The following TRIP12 variants were observed in gnomAD, a reference collection of about 807,000 sequenced individuals.
TRIP12 encodes the protein thyroid hormone receptor interactor 12.
Under a neutral mutation model 244.2 loss-of-function variants are expected in TRIP12, and 25 were observed. The observed-to-expected ratio is 0.10, with a 90% CI of 0.07 to 0.14. The LOEUF (loss-of-function observed/expected upper bound fraction) is 0.14. TRIP12 is among the 10% of genes least tolerant of loss of function. The pLI is 1.00. For missense variants in TRIP12, 1,677 were observed against 2,486.4 expected (o/e 0.67, Z 6.92); for synonymous variants, 905 against 873.1 (o/e 1.04, Z -0.64).
intron 5 of TRIP12, among the ~76,000 whole-genome samples, 196 bp downstream of exon 5, chr2:229,840,626 C>T (rs1037083266): frequency 1.3e-5 from 2 of 151,912 alleles, no homozygotes; most frequent in Non-Finnish European, 2.9e-5. Context: ...CACCTGAACC[C>T]GGGAGGCGCA....
At chr2:229,796,910 A>C in intron 24 of TRIP12, 128 bp from the exon 25 acceptor site, 1 of 709,898 alleles carries the variant, frequency 1.4e-6, no homozygotes, top group Non-Finnish European at 2.2e-6. Context: ...GGGGAGTGGT[A>C]CAGTCTTAGT....
chr2:229,803,314 A>G (rs1160392379), intron 20 of TRIP12, among the ~76,000 whole-genome samples: 4 of 152,190 alleles, frequency 2.6e-5, no homozygotes, highest in African/African-American at 7.2e-5. Context: ...GGGTTTCACC[A>G]TGTTGGCCAG....
At chr2:229,833,318 G>C (rs531760235) in intron 6 of TRIP12, among the ~76,000 whole-genome samples, 3 of 152,164 alleles carry the variant, frequency 2.0e-5, no homozygotes, top group East Asian at 3.9e-4. Flanking sequence ...ACAGGGTCTT[G>C]CTCTCTTGCC....
intron 1 of TRIP12, among the ~76,000 whole-genome samples, chr2:229,887,283 C>T (rs180919056): frequency 6.6e-6 from 1 of 152,152 alleles, no homozygotes; most frequent in East Asian, 1.9e-4. Context: ...AAAAAGGTGG[C>T]TAACTTTGCC....
chr2:229,767,152 A>T lies in TRIP12; in HGVS notation c.*402T>A, dbSNP rs150367762. ...TTAAATTTCTGTACTTATGTACAAG[A>T]GTTGTCTTTGGAGGAAAGAAAACTG... On this transcript the variant is annotated 3_prime_UTR_variant, in exon 42 of 42. Coordinates refer to ENST00000675903, the MANE Select transcript of TRIP12 (RefSeq NM_001348323.3). 1.2e-5 allele frequency: 2 copies of T among 162,494 alleles called. No homozygotes were observed. Among genetic ancestry groups the T allele is most frequent in the African/African-American group, 4.8e-5 (2 of 42,026 alleles). The allele number at this position is 162,494 out of a possible 1,614,324, so 10.1% of individuals were successfully genotyped here. A position where few individuals can be genotyped will look rare whatever the true frequency, so the allele number is the denominator to read the frequency against.
intron 6 of TRIP12, among the ~76,000 whole-genome samples, chr2:229,831,893 T>G (rs1236264481): frequency 2.7e-5 from 4 of 150,056 alleles, no homozygotes; most frequent in Non-Finnish European, 5.9e-5. Context: ...TTGGGTTTTT[T>G]TTTTTTTTTA....
chr2:229,770,067 C>A (rs895252316), intron 39 of TRIP12, among the ~76,000 whole-genome samples: 1 of 152,112 alleles, frequency 6.6e-6, no homozygotes, highest in African/African-American at 2.4e-5. Flanking sequence ...ATCTCCTGGG[C>A]TCAAGTGATC....
At chr2:229,865,318 C>CAAAAAA (rs767610234) in intron 2 of TRIP12, among the ~76,000 whole-genome samples, 8 of 66,952 alleles carry the variant, frequency 1.2e-4, no homozygotes, top group African/African-American at 4.5e-4. Context: ...CTCTCAACTA[C>CAAAAAA]AAAAAAAAAA....
At chr2:229,808,217 T>G (rs779676544) in intron 16 of TRIP12, 35 bp downstream of exon 16, 3 of 1,490,190 alleles carry the variant, frequency 2.0e-6, no homozygotes, top group Admixed American at 1.7e-5. Flanking sequence ...TCACCCGCCT[T>G]GGCCTCCCAA....
At chr2:229,806,499 G>A (rs1287377471) in intron 17 of TRIP12, among the ~76,000 whole-genome samples, 5 of 152,260 alleles carry the variant, frequency 3.3e-5, no homozygotes, top group Admixed American at 1.3e-4. Flanking sequence ...TCTCATTACA[G>A]AATCCAATCT....
intron 26 of TRIP12, among the ~76,000 whole-genome samples, chr2:229,794,460 G>A (rs2042298859): frequency 6.6e-6 from 1 of 152,060 alleles, no homozygotes; most frequent in Admixed American, 6.6e-5. Context: ...CCAGCTACGT[G>A]GCAGGCTGAG....
intron 21 of TRIP12, among the ~76,000 whole-genome samples, chr2:229,801,527 C>G (rs1446088538): frequency 1.3e-5 from 2 of 152,136 alleles, no homozygotes; most frequent in Non-Finnish European, 2.9e-5. Flanking sequence ...TGAATACATA[C>G]TGAATTTCAG....
chr2:229,776,133 T>C (rs2036182296), intron 37 of TRIP12, among the ~76,000 whole-genome samples: 1 of 152,168 alleles, frequency 6.6e-6, no homozygotes, highest in African/African-American at 2.4e-5. Flanking sequence ...GCTCAATCTG[T>C]CTGCCCTGGT....
intron 21 of TRIP12, among the ~76,000 whole-genome samples, chr2:229,801,122 G>A (rs978574976): frequency 6.6e-6 from 1 of 152,138 alleles, no homozygotes; most frequent in Non-Finnish European, 1.5e-5. Flanking sequence ...AAAGGAGAGA[G>A]CAAGGCTGGA....
intron 1 of TRIP12, among the ~76,000 whole-genome samples, chr2:229,908,809 C>T (rs551639359): frequency 1.3e-5 from 2 of 150,978 alleles, no homozygotes; most frequent in African/African-American, 2.4e-5. Context: ...GGAGGCTATG[C>T]GGCCAGACAT....
intron 1 of TRIP12, chr2:229,900,936 A>ATTTTTTTT (rs767135353): frequency 7.2e-6 from 1 of 138,420 alleles, no homozygotes; most frequent in Non-Finnish European, 1.6e-5. Flanking sequence ...CAATAAAGCT[A>ATTTTTTTT]TTTTTTTTTT....
intron 2 of TRIP12, 52 bp downstream of exon 2, chr2:229,879,930 A>G (rs1167867307): frequency 6.3e-7 from 1 of 1,599,032 alleles, no homozygotes; most frequent in Non-Finnish European, 8.6e-7. Context: ...AGGCTTAAAA[A>G]TATTTTTTCT....
chr2:229,844,106 G>A (rs1356895316), intron 4 of TRIP12, among the ~76,000 whole-genome samples: 4 of 152,184 alleles, frequency 2.6e-5, no homozygotes, highest in Admixed American at 6.5e-5. Context: ...CATTGTAAGA[G>A]AATCAGATTG....
At chr2:229,770,869 T>G (rs1343476701) in intron 39 of TRIP12, among the ~76,000 whole-genome samples, 1 of 152,220 alleles carries the variant, frequency 6.6e-6, no homozygotes, top group Non-Finnish European at 1.5e-5. Flanking sequence ...ATGTGAGATG[T>G]GCCTTTCACC....
Sources: allele counts gnomAD v4.1 joint callset (sites outside exome capture counted in the v4.1 genomes callset), GRCh38; gene constraint gnomAD v4.1.1; transcripts MANE v1.5; gene names NCBI Gene and HGNC (gene_info 2026-07-23, HGNC 2026-07-21).